The following ZNF385D variants were observed in gnomAD, a reference collection of about 807,000 sequenced individuals.
The protein encoded by ZNF385D is zinc finger protein 385D.
A neutral mutation model predicts 35.8 loss-of-function variants in ZNF385D; 15 were observed. The ratio of observed to expected loss-of-function variants is 0.42; its 90% CI spans 0.28 to 0.64. ZNF385D has a LOEUF of 0.64. ZNF385D is among the 30% of genes least tolerant of loss of function. The pLI is 0.23. For synonymous variants in ZNF385D, 212 were observed against 186.8 expected (o/e 1.13, Z -1.10); for missense variants, 474 against 494.6 (o/e 0.96, Z 0.39).
chr3:21,786,862 C>G (rs1367342779), intron 3 of ZNF385D, among the ~76,000 whole-genome samples: 1 of 152,108 alleles, frequency 6.6e-6, no homozygotes, highest in African/African-American at 2.4e-5. Flanking sequence ...TCCAAATATA[C>G]TTTCCTAAGC....
chr3:22,125,449 G>A (rs1475882174), intron 3 of ZNF385D, among the ~76,000 whole-genome samples: 1 of 152,022 alleles, frequency 6.6e-6, no homozygotes, highest in Non-Finnish European at 1.5e-5. Flanking sequence ...TCTTTGTGAA[G>A]ATTGTCAATG....
At chr3:22,153,206 A>T (rs1481641221) in intron 3 of ZNF385D, among the ~76,000 whole-genome samples, 1 of 152,116 alleles carries the variant, frequency 6.6e-6, no homozygotes, top group Non-Finnish European at 1.5e-5. Flanking sequence ...ACAGAGAATG[A>T]GCAACCTCCT....
intron 1 of ZNF385D, among the ~76,000 whole-genome samples, chr3:21,738,546 T>G (rs1199714808): frequency 1.3e-5 from 2 of 152,194 alleles, no homozygotes; most frequent in Non-Finnish European, 2.9e-5. Flanking sequence ...GCCATTATTA[T>G]CTCAACTGAT....
intron 2 of ZNF385D, among the ~76,000 whole-genome samples, chr3:22,366,309 T>C (rs918143272): frequency 6.6e-6 from 1 of 152,148 alleles, no homozygotes. Flanking sequence ...ATTTATACAC[T>C]GGTCTTTACA....
intron 3 of ZNF385D, among the ~76,000 whole-genome samples, chr3:22,112,345 A>G (rs543597575): frequency 9.2e-5 from 14 of 152,246 alleles, no homozygotes; most frequent in African/African-American, 3.4e-4. Flanking sequence ...ACAATTTTAG[A>G]CCAGTCATAG....
At chr3:21,483,256 T>A (rs1704770160) in intron 4 of ZNF385D, among the ~76,000 whole-genome samples, 1 of 152,184 alleles carries the variant, frequency 6.6e-6, no homozygotes. Flanking sequence ...CACTTTGAGA[T>A]TGGTTTTGTT....
intron 3 of ZNF385D, among the ~76,000 whole-genome samples, chr3:21,882,378 T>C (rs13433703): frequency 0.013 from 2,014 of 151,354 alleles, 40 homozygotes; most frequent in African/African-American, 0.045. Flanking sequence ...CTTCAGATGA[T>C]TGTAAGCATT....
At chr3:22,041,168 A>G (rs906237998) in intron 3 of ZNF385D, among the ~76,000 whole-genome samples, 2 of 140,042 alleles carry the variant, frequency 1.4e-5, no homozygotes, top group African/African-American at 2.5e-5. Context: ...AAGGGTTGAT[A>G]TTTTACCCCT....
intron 3 of ZNF385D, among the ~76,000 whole-genome samples, chr3:21,984,968 G>T (rs1694724149): frequency 6.6e-6 from 1 of 151,416 alleles, no homozygotes; most frequent in African/African-American, 2.4e-5. Context: ...CTCTCTGTTT[G>T]TCTGTTTTTT....
chr3:21,487,452 T>C (rs1402666965), intron 4 of ZNF385D, among the ~76,000 whole-genome samples: 1 of 152,082 alleles, frequency 6.6e-6, no homozygotes, highest in East Asian at 1.9e-4. Flanking sequence ...AAATTACAAA[T>C]CTTATCTAAC....
In ZNF385D at chr3:21,580,190, C is replaced by G. The variant is rs1038479409; in HGVS notation, c.166-15506G>C. Among the ~76,000 whole-genome samples, 3 of 152,252 alleles carry G rather than the reference C, an allele frequency of 2.0e-5. No homozygotes were observed. In the East Asian group the frequency reaches 5.8e-4, roughly 29 times the overall value. ...AAAAGTTCAAACAATAAATGAATTACTGAGACTGTTTCTTGCCTGCCCCTG... is the reference window on the plus strand; with the variant it reads ...AAAAGTTCAAACAATAAATGAATTAGTGAGACTGTTTCTTGCCTGCCCCTG... On this transcript the variant is annotated intron_variant, in intron 2 of 7. Transcript: ENST00000281523.
chr3:21,571,231 T>C (rs914943484), intron 2 of ZNF385D, among the ~76,000 whole-genome samples: 10 of 152,214 alleles, frequency 6.6e-5, no homozygotes. Context: ...AATATAAGTA[T>C]ACAGTATGCA....
intron 3 of ZNF385D, among the ~76,000 whole-genome samples, chr3:21,997,862 C>CGT (rs762328963): frequency 9.0e-4 from 101 of 112,550 alleles, no homozygotes; most frequent in African/African-American, 2.8e-3. Context: ...ATTTGGCGCG[C>CGT]GCGCGCGCGC....
At chr3:21,800,348 T>C (rs1358163081) in intron 3 of ZNF385D, among the ~76,000 whole-genome samples, 5 of 152,208 alleles carry the variant, frequency 3.3e-5, no homozygotes, top group Non-Finnish European at 1.5e-5. Context: ...GTACCAACCT[T>C]AGCAATATTA....
In ZNF385D at chr3:21,877,675, G is replaced by A. The variant is rs554325415; in HGVS notation, c.326-212647C>T. Among the ~76,000 whole-genome samples the A allele has an allele frequency of 2.0e-5, 3 of 152,070 alleles. No individual in the cohort carries two copies. The East Asian group carries it at 5.8e-4, about 30-fold the overall frequency. The stretch of plus-strand genomic sequence containing the variant: ...TTAATAAAGCTAATTTTCTTAAGGG[G>A]CCTGCAGTGAAATGTGTGAGCTGCT... On this transcript the variant is annotated intron_variant, in intron 3 of 5. Transcript: ENST00000494108.
intron 2 of ZNF385D, among the ~76,000 whole-genome samples, chr3:22,209,125 T>A (rs1390450129): frequency 6.6e-6 from 1 of 151,868 alleles, no homozygotes; most frequent in Non-Finnish European, 1.5e-5. Flanking sequence ...AGTAAGCCCA[T>A]AATATTTACT....
chr3:22,114,354 T>G (rs1000738933), intron 3 of ZNF385D, among the ~76,000 whole-genome samples: 1 of 152,138 alleles, frequency 6.6e-6, no homozygotes, highest in African/African-American at 2.4e-5. Flanking sequence ...TTTGGTAACC[T>G]AAATAAAGGC....
At chr3:21,978,645 ACT>A (rs1474827543) in intron 3 of ZNF385D, among the ~76,000 whole-genome samples, 1 of 151,948 alleles carries the variant, frequency 6.6e-6, no homozygotes, top group Non-Finnish European at 1.5e-5. Flanking sequence ...TTATTCAATT[ACT>A]CTTTTATGAG....
rs34497539 is a variant in ZNF385D at position 22,244,364 on chromosome 3, TAAAAAAAAAA to T, written c.107-75339_107-75330del. Among the ~76,000 whole-genome samples, 68 of 62,566 alleles carry T rather than the reference TAAAAAAAAAA, an allele frequency of 1.1e-3. 1 individual carries two copies. The highest frequency in any genetic ancestry group is 7.8e-3 in the East Asian group (15 of 1,926). 41.0% of individuals were successfully genotyped at this position (62,566 alleles called of 152,430 possible). A position where few individuals can be genotyped will look rare whatever the true frequency, so the allele number is the denominator to read the frequency against. On this transcript the variant is annotated intron_variant, in intron 2 of 5. Coordinates refer to the ZNF385D transcript ENST00000494108. ...CAAAGTGATACCAGACAACCGAATGTAAAAAAAAAAAAAAAAAAAAAAAAAAAATGAAAAC... is the reference window on the plus strand; with the variant it reads ...CAAAGTGATACCAGACAACCGAATGTAAAAAAAAAAAAAAAAAATGAAAAC...
Sources: gnomAD v4.1 joint callset for allele counts (sites outside exome capture counted in the v4.1 genomes callset) on GRCh38, gnomAD v4.1.1 for gene constraint, MANE v1.5 for transcripts, NCBI Gene and HGNC (gene_info 2026-07-23, HGNC 2026-07-21) for gene names.